AVL9: variants seen among roughly 807,000 people sequenced by gnomAD.
AVL9 encodes the protein AVL9 cell migration associated, also known as late secretory pathway protein AVL9 homolog.
Under a neutral mutation model 79.2 loss-of-function variants are expected in AVL9, and 49 were observed. That is an observed-to-expected ratio of 0.62 (90% CI 0.49 to 0.79). AVL9 has a LOEUF of 0.79. Among genes scored for constraint, AVL9 ranks in the 30% least tolerant of loss-of-function variants. AVL9 has a pLI of 0.00. For synonymous variants in AVL9, 299 were observed against 280.6 expected, an observed-to-expected ratio of 1.07 and a Z score of -0.65; for missense variants, 682 against 776.8, an observed-to-expected ratio of 0.88 and a Z score of 1.45.
intron 1 of AVL9, among the ~76,000 whole-genome samples, chr7:32,530,654 G>A (rs564494937): frequency 6.6e-6 from 1 of 152,278 alleles, no homozygotes; most frequent in East Asian, 1.9e-4. Context: ...TAGTTTAAAA[G>A]AGAATTTATT....
At chr7:32,522,033 A>G (rs542170710) in intron 1 of AVL9, among the ~76,000 whole-genome samples, 2 of 152,264 alleles carry the variant, frequency 1.3e-5, no homozygotes, top group South Asian at 2.1e-4. Context: ...CTCTACCTAG[A>G]TTTCAGATGT....
intron 6 of AVL9, 57 bp downstream of exon 6, chr7:32,552,352 A>C: frequency 2.7e-6 from 3 of 1,104,428 alleles, no homozygotes; most frequent in Non-Finnish European, 4.1e-6. Flanking sequence ...TGTTTAGCAA[A>C]CTGAGTTGCG....
At chr7:32,527,880 C>T (rs974421244) in intron 1 of AVL9, among the ~76,000 whole-genome samples, 6 of 152,008 alleles carry the variant, frequency 3.9e-5, no homozygotes, top group Admixed American at 2.0e-4. Flanking sequence ...GCCAGGGTAC[C>T]GTAAAATTTA....
chr7:32,500,493 A>G (rs1396495075), intron 1 of AVL9, among the ~76,000 whole-genome samples: 1 of 152,166 alleles, frequency 6.6e-6, no homozygotes, highest in Non-Finnish European at 1.5e-5. Context: ...GGCCTTTGTC[A>G]GATGGGTAGA....
intron 1 of AVL9, among the ~76,000 whole-genome samples, chr7:32,506,042 C>T (rs546412290): frequency 8.5e-5 from 13 of 152,194 alleles, no homozygotes; most frequent in South Asian, 4.1e-4. Context: ...GGTCACCATG[C>T]AGTTCATTAT....
At chr7:32,542,089 T>C (rs531453932) in intron 1 of AVL9, among the ~76,000 whole-genome samples, 1 of 151,926 alleles carries the variant, frequency 6.6e-6, no homozygotes, top group Non-Finnish European at 1.5e-5. Flanking sequence ...AGAGTTCTTC[T>C]AAACGGAAAA....
In AVL9 at chr7:32,495,629, C is replaced by T. The variant is rs1786757779; in HGVS notation, c.-81C>T. ...TGTGCTCGCTGACACCCGAAGTCCG[C>T]GGCTTTCCGCACACGGTGGGGTCGT... is the stretch of plus-strand genomic sequence containing the variant. On this transcript the variant is annotated 5_prime_UTR_variant, in exon 1 of 16. Transcript: ENST00000318709. 2.0e-6 allele frequency: 2 copies of T among 976,800 alleles called. No individual in the cohort carries two copies. The highest frequency in any genetic ancestry group is 2.7e-6 in the Non-Finnish European group (2 of 740,322). The allele number at this position is 976,800 out of a possible 1,614,324, so 60.5% of individuals were successfully genotyped here. A position where few individuals can be genotyped will look rare whatever the true frequency, so the allele number is the denominator to read the frequency against.
intron 1 of AVL9, among the ~76,000 whole-genome samples, chr7:32,520,073 G>A (rs980942548): frequency 6.6e-6 from 1 of 152,182 alleles, no homozygotes; most frequent in African/African-American, 2.4e-5. Flanking sequence ...TGAGTATTAT[G>A]ATTCAACATG....
chr7:32,522,972 G>A (rs958603128), intron 1 of AVL9, among the ~76,000 whole-genome samples: 7 of 151,826 alleles, frequency 4.6e-5, no homozygotes, highest in Admixed American at 1.3e-4. Flanking sequence ...TTTGCCTCCC[G>A]CCATAATTCT....
chr7:32,578,569 A>G (rs1364169609), intron 13 of AVL9, among the ~76,000 whole-genome samples: 2 of 152,180 alleles, frequency 1.3e-5, no homozygotes, highest in Non-Finnish European at 2.9e-5. Context: ...GCACTTTGGG[A>G]GGCTGAGGTG....
chr7:32,514,142 C>T (rs71530597), intron 1 of AVL9, among the ~76,000 whole-genome samples: 1 of 152,146 alleles, frequency 6.6e-6, no homozygotes, highest in Non-Finnish European at 1.5e-5. Context: ...GGAAGTCTTC[C>T]TCTTTCACTA....
chr7:32,582,533 G>A (rs1002326284), intron 15 of AVL9, among the ~76,000 whole-genome samples: 1 of 152,144 alleles, frequency 6.6e-6, no homozygotes, highest in African/African-American at 2.4e-5. Context: ...GAAAAACTAT[G>A]CTATATTATA....
At chr7:32,505,968 C>T (rs1006446208) in intron 1 of AVL9, among the ~76,000 whole-genome samples, 27 of 151,996 alleles carry the variant, frequency 1.8e-4, no homozygotes, top group South Asian at 2.1e-4. Context: ...ATTCTAAGTC[C>T]GTAAAGTGTG....
chr7:32,580,716 T>TGG (rs1351370583), intron 14 of AVL9, 86 bp from the exon 15 acceptor site: 9 of 824,656 alleles, frequency 1.1e-5, no homozygotes, highest in Admixed American at 6.6e-5. Context: ...GTGACTATTG[T>TGG]GTGTGTGTCT....
At chr7:32,520,543 G>A (rs147199284) in intron 1 of AVL9, among the ~76,000 whole-genome samples, 638 of 152,278 alleles carry the variant, frequency 4.2e-3, no homozygotes, top group Non-Finnish European at 6.1e-3. Context: ...CCCTGAAAAG[G>A]AGACTTCCTA....
At position 32,559,475 on chromosome 7, in the gene AVL9, A is replaced by G; in HGVS notation, c.1215+11A>G. 3 of 1,504,542 alleles carry G rather than the reference A, an allele frequency of 2.0e-6. No homozygotes were observed. Among genetic ancestry groups the G allele is most frequent in the Non-Finnish European group, 2.7e-6 (3 of 1,126,984 alleles). 93.2% of individuals were successfully genotyped at this position (1,504,542 alleles called of 1,614,324 possible). On this transcript the variant is annotated intron_variant, in intron 10 of 15. Coordinates refer to ENST00000318709, the MANE Select transcript of AVL9 (RefSeq NM_015060.3). ...GCCATCTTCACAAAGGTAAAGTGTA[A>G]TATTTTTTATCGAATTCCTTAAAGA... is the stretch of plus-strand genomic sequence containing the variant.
At chr7:32,515,162 G>C (rs1308568808) in intron 1 of AVL9, among the ~76,000 whole-genome samples, 1 of 152,178 alleles carries the variant, frequency 6.6e-6, no homozygotes, top group African/African-American at 2.4e-5. Flanking sequence ...CCTTGGGCAT[G>C]TGTCCTCAGG....
At chr7:32,533,226 A>C (rs1788748254) in intron 1 of AVL9, 1 of 152,162 alleles carries the variant, frequency 6.6e-6, no homozygotes, top group Admixed American at 6.5e-5. Flanking sequence ...AGAATCGCCT[A>C]AATCCAGGAG....
intron 1 of AVL9, among the ~76,000 whole-genome samples, chr7:32,515,372 A>G (rs931370799): frequency 2.0e-5 from 3 of 152,234 alleles, no homozygotes; most frequent in African/African-American, 7.2e-5. Context: ...GTCGAAACCA[A>G]CAGGACAATT....
Sources: allele counts gnomAD v4.1 joint callset (sites outside exome capture counted in the v4.1 genomes callset), GRCh38; gene constraint gnomAD v4.1.1; transcripts MANE v1.5; gene names NCBI Gene and HGNC (gene_info 2026-07-23, HGNC 2026-07-21).